RABGAP1L: variants seen among roughly 807,000 people sequenced by gnomAD.
RABGAP1L encodes RAB GTPase activating protein 1 like.
A neutral mutation model predicts 137.7 loss-of-function variants in RABGAP1L; 63 were observed. The observed-to-expected ratio is 0.46, with a 90% CI of 0.37 to 0.56. The LOEUF (loss-of-function observed/expected upper bound fraction) is 0.56, where lower values mean the gene tolerates loss of function less well. Among genes scored for constraint, RABGAP1L ranks in the 20% least tolerant of loss-of-function variants. The pLI is 0.00. For missense variants in RABGAP1L, 1,095 were observed against 1,244.0 expected (o/e 0.88, Z 1.80); for synonymous variants, 431 against 433.7 (o/e 0.99, Z 0.08).
At chr1:174,500,788 G>A (rs1249610031) in intron 13 of RABGAP1L, among the ~76,000 whole-genome samples, 7 of 152,120 alleles carry the variant, frequency 4.6e-5, no homozygotes, top group African/African-American at 7.2e-5. Context: ...AAGGAAGGAA[G>A]GAGGCATGGT....
At chr1:174,720,758 G>A (rs12138585) in intron 17 of RABGAP1L, among the ~76,000 whole-genome samples, 5,878 of 152,294 alleles carry the variant, frequency 0.039, 157 homozygotes, top group Non-Finnish European at 0.06. Flanking sequence ...TAGAGTTGAA[G>A]AGAGGAGGGA....
rs2149399639 is a variant in RABGAP1L at position 174,988,695 on chromosome 1, T to C, written c.2860T>C (p.Leu954=). ...CSDIFSKEGA[L]KLAATGREDQ... is the part of the protein sequence containing the mutation. ...TGACATTTTCAGCAAGGAGGGTGCT[T>C]TGAAACTAGCAGCCACAGGCAGAGA... The change falls in exon 25 of 26, where the codon TTG becomes CTG. Residue 954 remains leucine (L), a synonymous_variant. Coordinates refer to ENST00000681986, the MANE Select transcript of RABGAP1L (RefSeq NM_001366446.1). 1 of 1,548,650 alleles carries C rather than the reference T, an allele frequency of 6.5e-7. No individual in the cohort carries two copies. The highest frequency in any genetic ancestry group is 1.4e-5 in the African/African-American group (1 of 72,996).
rs143285036 is a variant in RABGAP1L, at chr1:174,416,019, C to CATATATATATATATATATATATATATAT, written c.1710+21891_1710+21892insTATATATATATATATATATATATATATA. Among the ~76,000 whole-genome samples, 92 of 129,006 alleles carry CATATATATATATATATATATATATATAT rather than the reference C, an allele frequency of 7.1e-4. 1 individual carries two copies. Among genetic ancestry groups the CATATATATATATATATATATATATATAT allele is most frequent in the African/African-American group, 2.7e-3 (75 of 27,292 alleles). 84.6% of individuals were successfully genotyped at this position (129,006 alleles called of 152,430 possible). A position where few individuals can be genotyped will look rare whatever the true frequency, so the allele number is the denominator to read the frequency against. On this transcript the variant is annotated intron_variant, in intron 13 of 25. Coordinates refer to ENST00000681986, the MANE Select transcript of RABGAP1L (RefSeq NM_001366446.1). ...TTAAGGAATTTCCCTAGAAAATTTA[C>CATATATATATATATATATATATATATAT]ATATATATATATATATACACACACA...
Position 174,181,339 on chromosome 1 carries a change from TC to T in RABGAP1L, c.-34+21683del, listed in dbSNP as rs1359623136. On this transcript the variant is annotated intron_variant, in intron 1 of 25. Coordinates refer to ENST00000681986, the MANE Select transcript of RABGAP1L (RefSeq NM_001366446.1). ...TTTTATACAAGGGTCTTTCTTTTTT[TC>T]TTTTTTTTTTTTTTTGAGACGGAGT... 3.4e-4 allele frequency among the ~76,000 whole-genome samples: 51 copies of T among 149,106 alleles called. 2 individuals are homozygous for T. Among genetic ancestry groups the T allele is most frequent in the Admixed American group, 1.4e-3 (21 of 14,746 alleles).
At chr1:174,780,095 TAAATAAATA>T (rs1558070404) in intron 18 of RABGAP1L, among the ~76,000 whole-genome samples, 32 of 150,508 alleles carry the variant, frequency 2.1e-4, no homozygotes, top group Admixed American at 8.7e-4. Context: ...AATAAATAAA[TAAATAAATA>T]AATAAATAAA....
intron 11 of RABGAP1L, among the ~76,000 whole-genome samples, chr1:174,349,784 T>TGACCCCCCCA (rs1682910703): frequency 9.1e-6 from 1 of 109,452 alleles, no homozygotes; most frequent in Non-Finnish European, 2.0e-5. Context: ...GCAGAGGGGC[T>TGACCCCCCCA]CCTCACTTCC....
intron 11 of RABGAP1L, among the ~76,000 whole-genome samples, chr1:174,354,133 C>CTCTAACA (rs767719009): frequency 6.6e-6 from 1 of 152,106 alleles, no homozygotes; most frequent in Non-Finnish European, 1.5e-5. Context: ...TAGAGATGGG[C>CTCTAACA]TCTAACATCT....
Position 174,533,191 on chromosome 1 carries a change from G to A in RABGAP1L, c.1711-104184G>A, listed in dbSNP as rs534606302. The stretch of plus-strand genomic sequence containing the variant: ...AGAGGTTGCAGTGAGCCAAGATCGC[G>A]CCACTGCACTCCAGCCTGGGTGACA... On this transcript the variant is annotated intron_variant, in intron 13 of 25. Transcript: ENST00000681986. Among the ~76,000 whole-genome samples the A allele has an allele frequency of 8.5e-5, 13 of 152,280 alleles. No individual in the cohort carries two copies. In the South Asian group the frequency reaches 2.5e-3, roughly 29 times the overall value.
Position 174,824,306 on chromosome 1 carries a change from T to C in RABGAP1L, c.2340+12346T>C, listed in dbSNP as rs1201816084. Among the ~76,000 whole-genome samples, 8 of 151,334 alleles carry C rather than the reference T, an allele frequency of 5.3e-5. No individual in the cohort carries two copies. In the East Asian group the frequency reaches 1.5e-3, roughly 29 times the overall value. ...CTCCATCTCAAAAAAAATATATAGATATAGATATATACATATCTATATATA... is the reference window on the plus strand; with the variant it reads ...CTCCATCTCAAAAAAAATATATAGACATAGATATATACATATCTATATATA... On this transcript the variant is annotated intron_variant, in intron 19 of 25. Transcript: ENST00000681986.
chr1:174,463,636 A>C (rs573035577), intron 13 of RABGAP1L, among the ~76,000 whole-genome samples: 1 of 152,162 alleles, frequency 6.6e-6, no homozygotes, highest in Non-Finnish European at 1.5e-5. Flanking sequence ...CATTGTGCAC[A>C]TGTACCCTAA....
chr1:174,788,898 G>C (rs1687651719), intron 18 of RABGAP1L, among the ~76,000 whole-genome samples: 2 of 152,116 alleles, frequency 1.3e-5, no homozygotes, highest in African/African-American at 4.8e-5. Flanking sequence ...ATTTTTAGTA[G>C]AGATAGGGTT....
chr1:174,989,089 T>A (rs1671853052), intron 25 of RABGAP1L, among the ~76,000 whole-genome samples: 2 of 151,864 alleles, frequency 1.3e-5, no homozygotes, highest in South Asian at 4.2e-4. Context: ...CATATGCTTG[T>A]TTTTTTTACC....
intron 19 of RABGAP1L, among the ~76,000 whole-genome samples, chr1:174,866,149 GA>G (rs1651198085): frequency 6.7e-6 from 1 of 149,150 alleles, no homozygotes; most frequent in Non-Finnish European, 1.5e-5. Flanking sequence ...GAGAGAGAGA[GA>G]GAGAGAGAGA....
chr1:174,533,393 A>G (rs1054073074), intron 13 of RABGAP1L, among the ~76,000 whole-genome samples: 2 of 152,188 alleles, frequency 1.3e-5, no homozygotes, highest in African/African-American at 4.8e-5. Flanking sequence ...CTTGAACAAC[A>G]TGGGCTTGCA....
intron 11 of RABGAP1L, among the ~76,000 whole-genome samples, chr1:174,362,811 A>G (rs1684263569): frequency 6.6e-6 from 1 of 152,172 alleles, no homozygotes; most frequent in African/African-American, 2.4e-5. Flanking sequence ...ACCATTTATC[A>G]ATTTTTGCTT....
intron 13 of RABGAP1L, among the ~76,000 whole-genome samples, chr1:174,397,265 T>G (rs1270461568): frequency 6.6e-6 from 1 of 152,232 alleles, no homozygotes; most frequent in Non-Finnish European, 1.5e-5. Context: ...TAGCTGTGAT[T>G]TACTTTCTGC....
At chr1:174,206,857 T>C (rs150011271) in intron 1 of RABGAP1L, among the ~76,000 whole-genome samples, 2 of 152,338 alleles carry the variant, frequency 1.3e-5, no homozygotes, top group East Asian at 1.9e-4. Flanking sequence ...AATTTAGATA[T>C]CATTATTGCT....
chr1:174,221,162 CAGGTA>C lies in RABGAP1L; in HGVS notation c.330_331+3del. The C allele has an allele frequency of 6.3e-7, 1 of 1,586,020 alleles. No individual in the cohort carries two copies. Among genetic ancestry groups the C allele is most frequent in the South Asian group, 1.2e-5 (1 of 86,526 alleles). On this transcript the variant is annotated splice_donor_variant and splice_donor_region_variant and coding_sequence_variant and intron_variant, in exon 3 of 26. Coordinates refer to ENST00000681986, the MANE Select transcript of RABGAP1L (RefSeq NM_001366446.1). LOFTEE classifies it high-confidence loss of function. ...CAGTTAATTTTGGATCCGTCTAACA[CAGGTA>C]CTGTATTGAATTCTTAGAAACTATT...
At chr1:174,607,327 C>A (rs1670863056) in intron 13 of RABGAP1L, among the ~76,000 whole-genome samples, 1 of 152,120 alleles carries the variant, frequency 6.6e-6, no homozygotes, top group South Asian at 2.1e-4. Flanking sequence ...TTTCCCCCAT[C>A]ACTTTGCCAA....
Sources: allele counts gnomAD v4.1 joint callset (sites outside exome capture counted in the v4.1 genomes callset), GRCh38; gene constraint gnomAD v4.1.1; transcripts MANE v1.5; gene names NCBI Gene and HGNC (gene_info 2026-07-23, HGNC 2026-07-21).